The following URB1 variants were observed in gnomAD, a reference collection of about 807,000 sequenced individuals.
URB1 encodes the protein nucleolar pre-ribosomal-associated protein 1.
URB1 carries 197 observed loss-of-function variants against 242.3 expected under a neutral mutation model. The observed-to-expected ratio is 0.81, with a 90% CI of 0.72 to 0.91. URB1 has a LOEUF of 0.91. Among genes scored for constraint, URB1 ranks in the 40% least tolerant of loss-of-function variants. The pLI is 0.00. For missense variants in URB1, 2,721 were observed against 2,860.5 expected (o/e 0.95, Z 1.11); for synonymous variants, 1,153 against 1,201.8 (o/e 0.96, Z 0.84).
At chr21:32,392,566 C>A (rs2033651648) in intron 1 of URB1, among the ~76,000 whole-genome samples, 1 of 152,210 alleles carries the variant, frequency 6.6e-6, no homozygotes, top group Non-Finnish European at 1.5e-5. Flanking sequence ...CCCAATCAAG[C>A]AAGTCGGGGC....
rs763602448 is a variant in URB1, at chr21:32,344,656, T to C, written c.4171A>G (p.Ile1391Val). 1 of 1,552,340 alleles carries C rather than the reference T, an allele frequency of 6.4e-7. No homozygotes were observed. The change falls in exon 24 of 39, where the codon ATC becomes GTC. Residue 1391 changes from isoleucine (I) to valine (V), a missense_variant. By Grantham distance (29) the Ile-to-Val change is conservative. Coordinates refer to ENST00000382751, the MANE Select transcript of URB1 (RefSeq NM_014825.3). ...TLLESCVKWL[I>V]VSFSGGQQDD... is the part of the protein sequence containing the mutation. ...TGCTGTCCACCACTGAAAGACACGA[T>C]CAGCCACTTCACACAGGACTCCAAA...
intron 25 of URB1, among the ~76,000 whole-genome samples, chr21:32,339,544 G>T (rs992636235): frequency 2.1e-4 from 31 of 147,934 alleles, no homozygotes; most frequent in African/African-American, 7.8e-4. Flanking sequence ...AGGCTGGAGT[G>T]CAGTGGCATG....
Position 32,350,895 on chromosome 21 carries a change from G to A in URB1, c.2641C>T (p.Pro881Ser). 1 of 1,548,586 alleles carries A rather than the reference G, an allele frequency of 6.5e-7. No individual in the cohort carries two copies. Among genetic ancestry groups the A allele is most frequent in the Non-Finnish European group, 8.7e-7 (1 of 1,146,944 alleles). ...GACGAGGCCAAGGGAAGGGCAGGGG[G>A]CGAGGGGCTGCCCTGTGCCTGCAGC... ...WLLQAQGSPSPPALPLASSFT... is the reference protein window; with the variant it reads ...WLLQAQGSPSSPALPLASSFT... The change falls in exon 20 of 39, where the codon CCC becomes TCC. Residue 881 changes from proline (P) to serine (S), a missense_variant. Coordinates refer to ENST00000382751, the MANE Select transcript of URB1 (RefSeq NM_014825.3).
Position 32,392,946 on chromosome 21 carries a change from C to T in URB1, c.-36G>A. The stretch of plus-strand genomic sequence containing the variant: ...GCGGAAGCGCGACGGAAACGACACA[C>T]CTGAGGGGACCCGGCAGGAGCACTG... On this transcript the variant is annotated 5_prime_UTR_variant, in exon 1 of 39. It adds an upstream start codon to the 5' untranslated region. Coordinates refer to ENST00000382751, the MANE Select transcript of URB1 (RefSeq NM_014825.3). 1.4e-6 allele frequency: 2 copies of T among 1,466,650 alleles called. No individual in the cohort carries two copies. The highest frequency in any genetic ancestry group is 1.8e-6 in the Non-Finnish European group (2 of 1,109,122). The allele number at this position is 1,466,650 out of a possible 1,614,324, so 90.9% of individuals were successfully genotyped here. A position where few individuals can be genotyped will look rare whatever the true frequency, so the allele number is the denominator to read the frequency against.
chr21:32,331,822 T>G (rs1049978994), intron 30 of URB1, among the ~76,000 whole-genome samples: 5 of 152,100 alleles, frequency 3.3e-5, no homozygotes, highest in African/African-American at 1.2e-4. Context: ...GAGCCCCAAA[T>G]CCCCTGTTGG....
chr21:32,315,023 G>A lies in URB1; in HGVS notation c.6711C>T (p.Thr2237=), dbSNP rs2032659537. 2 of 1,551,346 alleles carry A rather than the reference G, an allele frequency of 1.3e-6. No homozygotes were observed. The highest frequency in any genetic ancestry group is 2.4e-5 in the East Asian group (1 of 40,922). Residue 2237 remains threonine (T), a synonymous_variant, in exon 39 of 39, where the codon ACC becomes ACT. Transcript: ENST00000382751. ...CGGCCTCACACACCATCCGGACGTGGGTTAAGAGGGTGTCCGGCCGCTGAG... is the reference window on the plus strand; with the variant it reads ...CGGCCTCACACACCATCCGGACGTGAGTTAAGAGGGTGTCCGGCCGCTGAG... ...LGAQRPDTLL[T]HVRMVCEAAD...
At chr21:32,380,453 T>C (rs1163681909) in intron 4 of URB1, among the ~76,000 whole-genome samples, 1 of 152,238 alleles carries the variant, frequency 6.6e-6, no homozygotes, top group South Asian at 2.1e-4. Flanking sequence ...TTGCATCCAA[T>C]GATCACTGGT....
Position 32,350,783 on chromosome 21 carries a change from T to C in URB1, c.2753A>G (p.His918Arg). 2 of 1,551,446 alleles carry C rather than the reference T, an allele frequency of 1.3e-6. No homozygotes were observed. The highest frequency in any genetic ancestry group is 1.7e-6 in the Non-Finnish European group (2 of 1,147,004). Residue 918 changes from histidine to arginine, a missense_variant, in exon 20 of 39, where the codon CAC (histidine) becomes CGC (arginine). Coordinates refer to ENST00000382751, the MANE Select transcript of URB1 (RefSeq NM_014825.3). ...IQVQLQATMP[H>R]LSMQQVLLAA... Reference sequence around the variant, plus strand: ...GAGCAGGACCTGCTGCATGGACAGGTGTGGCATGGTGGCCTGCAGCTGCAC... The same window carrying C: ...GAGCAGGACCTGCTGCATGGACAGGCGTGGCATGGTGGCCTGCAGCTGCAC...
chr21:32,382,253 G>A (rs192923479), intron 4 of URB1, among the ~76,000 whole-genome samples: 39 of 152,292 alleles, frequency 2.6e-4, no homozygotes, highest in Admixed American at 4.6e-4. Flanking sequence ...CCAAAGAACC[G>A]TGATATTTGC....
intron 25 of URB1, among the ~76,000 whole-genome samples, chr21:32,340,970 C>T (rs2033022646): frequency 6.6e-6 from 1 of 151,440 alleles, no homozygotes; most frequent in Non-Finnish European, 1.5e-5. Context: ...AGAAACATCT[C>T]AGTGAACAAA....
chr21:32,376,323 G>A (rs537628845), intron 5 of URB1, among the ~76,000 whole-genome samples: 11 of 152,284 alleles, frequency 7.2e-5, no homozygotes, highest in African/African-American at 2.4e-4. Flanking sequence ...TAATGCAGTA[G>A]TGACAGTGGG....
In URB1 at chr21:32,362,029, G is replaced by T; in HGVS notation, c.1510-8C>A. 1 of 1,550,420 alleles carries T rather than the reference G, an allele frequency of 6.4e-7. No individual in the cohort carries two copies. Among genetic ancestry groups the T allele is most frequent in the South Asian group, 1.2e-5 (1 of 83,868 alleles). On this transcript the variant is annotated splice_polypyrimidine_tract_variant and splice_region_variant and intron_variant, in intron 11 of 38. Transcript: ENST00000382751. ...GTTCAGGTCTGGCAAAATCTAAATG[G>T]GAAAAAGAAGCAGAACATTAGTTGT...
intron 19 of URB1, 52 bp from the exon 20 acceptor site, chr21:32,350,974 GA>G: frequency 6.6e-7 from 1 of 1,511,086 alleles, no homozygotes; most frequent in Non-Finnish European, 8.9e-7. Flanking sequence ...CACCACAGAT[GA>G]AAACGGTCAT....
intron 8 of URB1, among the ~76,000 whole-genome samples, chr21:32,370,934 T>C (rs2033399873): frequency 6.6e-6 from 1 of 152,214 alleles, no homozygotes; most frequent in Non-Finnish European, 1.5e-5. Flanking sequence ...TCCTAGGGAC[T>C]GGAGGCCCAT....
chr21:32,312,387 G>A lies in URB1; in HGVS notation c.*2531C>T. On this transcript the variant is annotated 3_prime_UTR_variant, in exon 39 of 39. Coordinates refer to ENST00000382751, the MANE Select transcript of URB1 (RefSeq NM_014825.3). ...CCTGGTCCTTCTGTACCTTTGTTAG[G>A]ATGCTGGGTAAGTTCCCATCCAAGC... 9.2e-7 allele frequency: 1 copy of A among 1,089,710 alleles called. No homozygotes were observed. Among genetic ancestry groups the A allele is most frequent in the Non-Finnish European group, 1.2e-6 (1 of 866,500 alleles). The allele number at this position is 1,089,710 out of a possible 1,614,324, so 67.5% of individuals were successfully genotyped here.
chr21:32,347,788 G>A lies in URB1; in HGVS notation c.3036C>T (p.Ala1012=), dbSNP rs116825490. ...CCTCCAGGGTGGGGTGCCTGAGGAT[G>A]GCCACAAGCACCTCCTCCAGCGTCT... The part of the protein sequence containing the change: ...NDQTLEEVLV[A]ILRHPTLEGW... Residue 1012 remains alanine, a synonymous_variant, in exon 22 of 39, where the codon GCC becomes GCT. Transcript: ENST00000382751. 3.3e-3 allele frequency: 5,043 copies of A among 1,546,196 alleles called. 144 individuals carry two copies. The African/African-American group carries it at 0.059, about 18-fold the overall frequency.
chr21:32,387,741 G>A (rs989231052), intron 1 of URB1, among the ~76,000 whole-genome samples: 8 of 152,094 alleles, frequency 5.3e-5, no homozygotes, highest in Non-Finnish European at 1.0e-4. Context: ...TCAGAATAGC[G>A]TGGTCTGCTT....
At chr21:32,345,314 A>C in intron 23 of URB1, 60 bp downstream of exon 23, 2 of 1,514,162 alleles carry the variant, frequency 1.3e-6, no homozygotes, top group Non-Finnish European at 9.0e-7. Context: ...TTACTCTATG[A>C]ATTAAAAAAA....
Position 32,363,331 on chromosome 21 carries a change from T to A in URB1, c.1336-2A>T. 1 of 1,550,764 alleles carries A rather than the reference T, an allele frequency of 6.4e-7. No individual in the cohort carries two copies. Among genetic ancestry groups the A allele is most frequent in the Non-Finnish European group, 8.7e-7 (1 of 1,146,930 alleles). ...GTGCCTCACTGAGGTGCTGTCCAAC[T>A]GGGAAGAAAAAGAGTTAAATGCACA... is the stretch of plus-strand genomic sequence containing the variant. On this transcript the variant is annotated splice_acceptor_variant, in intron 10 of 38. Coordinates refer to ENST00000382751, the MANE Select transcript of URB1 (RefSeq NM_014825.3). LOFTEE classifies it high-confidence loss of function.
Sources: allele counts gnomAD v4.1 joint callset (sites outside exome capture counted in the v4.1 genomes callset), GRCh38; gene constraint gnomAD v4.1.1; transcripts MANE v1.5; gene names NCBI Gene and HGNC (gene_info 2026-07-23, HGNC 2026-07-21).